Variants in COLEC10 observed in about 807,000 individuals in gnomAD.
COLEC10 encodes collectin subfamily member 10, also known as collectin-10.
Under a neutral mutation model 28.4 loss-of-function variants are expected in COLEC10, and 22 were observed. That is an observed-to-expected ratio of 0.78 (90% confidence interval 0.55 to 1.11). COLEC10 has a LOEUF of 1.11. COLEC10 is among the 50% of genes least tolerant of loss of function. COLEC10 has a pLI of 0.00. For missense variants in COLEC10, 361 were observed against 344.1 expected, an observed-to-expected ratio of 1.05 and a Z score of -0.39; for synonymous variants, 125 against 116.1, an observed-to-expected ratio of 1.08 and a Z score of -0.49.
At chr8:119,070,407 A>G (rs1188336991) in intron 1 of COLEC10, among the ~76,000 whole-genome samples, 1 of 150,454 alleles carries the variant, frequency 6.6e-6, no homozygotes, top group African/African-American at 2.5e-5. Context: ...TAAACTTATC[A>G]TTTATGTTAC....
At chr8:119,007,065 C>T (rs56862071) in intron 1 of COLEC10, among the ~76,000 whole-genome samples, 6,705 of 152,106 alleles carry the variant, frequency 0.044, 216 homozygotes, top group East Asian at 0.16. Flanking sequence ...AAGTGGAGGA[C>T]TCAAAGATGG....
intron 1 of COLEC10, among the ~76,000 whole-genome samples, chr8:118,999,400 G>C (rs980727166): frequency 3.3e-5 from 5 of 151,948 alleles, no homozygotes; most frequent in Admixed American, 6.6e-5. Context: ...AGACCAGCCT[G>C]GTCAACATGG....
At chr8:119,027,091 A>G (rs1427048794) in intron 2 of COLEC10, among the ~76,000 whole-genome samples, 2 of 152,158 alleles carry the variant, frequency 1.3e-5, no homozygotes, top group Non-Finnish European at 2.9e-5. Context: ...TTCCACTGCT[A>G]TAAAACAGGA....
At chr8:119,065,879 A>G (rs965394540), upstream of COLEC10, among the ~76,000 whole-genome samples, 1 of 151,990 alleles carries the variant, frequency 6.6e-6, no homozygotes, top group African/African-American at 2.4e-5. Flanking sequence ...AAAAAAGAAA[A>G]GAAAAAGAAA....
chr8:118,995,498 C>A (rs1813574108), exon 1 of COLEC10: 1 of 152,156 alleles, frequency 6.6e-6, no homozygotes, highest in Non-Finnish European at 1.5e-5. Flanking sequence ...GATTATTTAG[C>A]CCAGCCTCAT....
chr8:119,051,307 C>G (rs1046662044), intron 2 of COLEC10, among the ~76,000 whole-genome samples: 24 of 152,070 alleles, frequency 1.6e-4, no homozygotes, highest in Non-Finnish European at 7.3e-5. Flanking sequence ...ATAAAATCAC[C>G]AATATAGCAA....
At chr8:119,092,163 G>A (rs750374625) in intron 3 of COLEC10, among the ~76,000 whole-genome samples, 12 of 149,576 alleles carry the variant, frequency 8.0e-5, no homozygotes, top group Non-Finnish European at 1.5e-4. Context: ...TCTGCCTCCC[G>A]GGTTCAAGCA....
At chr8:119,061,753 GA>G (rs890608278) in intron 2 of COLEC10, among the ~76,000 whole-genome samples, 3 of 149,750 alleles carry the variant, frequency 2.0e-5, no homozygotes, top group Non-Finnish European at 1.5e-5. Context: ...ATGAAACCAA[GA>G]AAAAAAAAGA....
At chr8:118,964,395 C>T in the COLEC10 span, among the ~76,000 whole-genome samples, 1 of 152,266 alleles carries the variant, frequency 6.6e-6, no homozygotes, top group South Asian at 2.1e-4. Context: ...AACTTTGCCC[C>T]TCCTTTACAA....
At chr8:118,969,813 A>G in the COLEC10 span, among the ~76,000 whole-genome samples, 1 of 151,772 alleles carries the variant, frequency 6.6e-6, no homozygotes, top group Non-Finnish European at 1.5e-5. Context: ...TAATCAGTTA[A>G]TGGTGTCCTC....
At chr8:118,961,685 C>T in the COLEC10 span, among the ~76,000 whole-genome samples, 5 of 152,300 alleles carry the variant, frequency 3.3e-5, no homozygotes, top group East Asian at 5.8e-4. Context: ...TGGCCAGCTA[C>T]CCATCTGCGT....
At chr8:119,095,378 G>T (rs927597647) in intron 3 of COLEC10, among the ~76,000 whole-genome samples, 1 of 152,158 alleles carries the variant, frequency 6.6e-6, no homozygotes, top group Non-Finnish European at 1.5e-5. Context: ...TTCCCAGATT[G>T]ATCCATCGAC....
Position 119,009,208 on chromosome 8 carries a change from A to G in COLEC10, n.123-233A>G, listed in dbSNP as rs538224377. On this transcript the variant is annotated intron_variant and non_coding_transcript_variant, in intron 1 of 6. Coordinates refer to the COLEC10 transcript ENST00000521788. ...CCCCTTAAGGATGAATTTTGTGGGA[A>G]GTTAGAATAGAGCTTTGCTATGGTT... Among the ~76,000 whole-genome samples the G allele has an allele frequency of 5.3e-5, 8 of 151,080 alleles. 1 individual carries two copies. The highest frequency in any genetic ancestry group is 2.0e-4 in the African/African-American group (8 of 40,494).
At chr8:119,001,982 C>T (rs1304797028) in intron 1 of COLEC10, among the ~76,000 whole-genome samples, 2 of 152,144 alleles carry the variant, frequency 1.3e-5, no homozygotes, top group Non-Finnish European at 2.9e-5. Context: ...AATTTAGCCC[C>T]CCATTCACAA....
chr8:119,044,026 G>A (rs1814543075), intron 2 of COLEC10, among the ~76,000 whole-genome samples: 1 of 152,248 alleles, frequency 6.6e-6, no homozygotes, highest in African/African-American at 2.4e-5. Flanking sequence ...AGACAGGAAT[G>A]CCTGAAGGTA....
rs926803790 is a variant in COLEC10, at chr8:119,106,263, C to A, written c.*72C>A. 7.5e-6 allele frequency: 11 copies of A among 1,457,352 alleles called. No individual in the cohort carries two copies. In the African/African-American group the frequency reaches 1.4e-4, roughly 19 times the overall value. 90.3% of individuals were successfully genotyped at this position (1,457,352 alleles called of 1,614,324 possible). A position where few individuals can be genotyped will look rare whatever the true frequency, so the allele number is the denominator to read the frequency against. On this transcript the variant is annotated 3_prime_UTR_variant, in exon 6 of 6. Transcript: ENST00000332843. ...AGTTATTGTTATCCATCCTTTTTTT[C>A]CTGATTGTACTACATTTGATCTGAG...
chr8:119,039,509 A>G (rs2130149529), intron 2 of COLEC10, among the ~76,000 whole-genome samples: 1 of 152,344 alleles, frequency 6.6e-6, no homozygotes, highest in African/African-American at 2.4e-5. Context: ...AAGATGCTCA[A>G]TAGATAATTA....
At chr8:118,974,038 T>C in the COLEC10 span, among the ~76,000 whole-genome samples, 1 of 151,932 alleles carries the variant, frequency 6.6e-6, no homozygotes, top group Non-Finnish European at 1.5e-5. Context: ...TCTTGCCCCA[T>C]GTACATTTAT....
upstream of COLEC10, among the ~76,000 whole-genome samples, chr8:119,064,254 A>G (rs1814910338): frequency 6.6e-6 from 1 of 152,210 alleles, no homozygotes; most frequent in Admixed American, 6.5e-5. Flanking sequence ...GATGTAGTAT[A>G]GTACACATTA....
Sources: allele counts gnomAD v4.1 joint callset (sites outside exome capture counted in the v4.1 genomes callset), GRCh38; gene constraint gnomAD v4.1.1; transcripts MANE v1.5; gene names NCBI Gene and HGNC (gene_info 2026-07-23, HGNC 2026-07-21).